Variants in BTBD1 observed in about 807,000 individuals in gnomAD.
The protein encoded by BTBD1 is BTB domain containing 1.
Under a neutral mutation model 48.0 loss-of-function variants are expected in BTBD1, and 34 were observed. The observed-to-expected ratio is 0.71, with a 90% CI of 0.54 to 0.94. The LOEUF is 0.94. Among genes scored for constraint, BTBD1 ranks in the 40% least tolerant of loss-of-function variants. BTBD1 has a pLI of 0.00. For missense variants in BTBD1, 543 were observed against 625.6 expected (o/e 0.87, Z 1.41); for synonymous variants, 261 against 242.1 (o/e 1.08, Z -0.72).
At chr15:83,065,155 A>G (rs1354649068) in intron 1 of BTBD1, among the ~76,000 whole-genome samples, 1 of 152,172 alleles carries the variant, frequency 6.6e-6, no homozygotes, top group Non-Finnish European at 1.5e-5. Flanking sequence ...ACTACTATAA[A>G]TAAAGCTGTA....
rs71156070 is a variant in BTBD1 at position 83,040,699 on chromosome 15, C to CAA, written c.862+1027_862+1028dup. ...TGAGCAACAGAGGGAGACCCTGTCT[C>CAA]AAAAAAAAAAAAAAAAAAAAAACCA... On this transcript the variant is annotated intron_variant, in intron 4 of 7. Coordinates refer to ENST00000261721, the MANE Select transcript of BTBD1 (RefSeq NM_025238.4). Among the ~76,000 whole-genome samples the CAA allele has an allele frequency of 3.3e-3, 189 of 56,592 alleles. 1 individual carries two copies. Among genetic ancestry groups the CAA allele is most frequent in the East Asian group, 9.6e-3 (17 of 1,772 alleles). 37.1% of individuals were successfully genotyped at this position (56,592 alleles called of 152,430 possible). A position where few individuals can be genotyped will look rare whatever the true frequency, so the allele number is the denominator to read the frequency against.
At chr15:83,049,846 T>C (rs1301982856) in intron 3 of BTBD1, among the ~76,000 whole-genome samples, 10 of 152,244 alleles carry the variant, frequency 6.6e-5, no homozygotes, top group Admixed American at 5.2e-4. Flanking sequence ...ATGCATATGA[T>C]GGGCATTCAA....
In BTBD1 at chr15:83,041,883, C is replaced by G. The variant is rs758435230; in HGVS notation, c.707G>C (p.Arg236Pro). ...AVLERDTLSI[R>P]ESRLFGAVVR... ...AACAGCTCCAAAAAGTCGACTTTCT[C>G]GAATACTGAGTGTGTCTCTCTCTAA... The change falls in exon 4 of 8, where the codon CGA becomes CCA. Residue 236 changes from arginine to proline, a missense_variant. Transcript: ENST00000261721. The G allele has an allele frequency of 1.2e-6, 2 of 1,614,056 alleles. No homozygotes were observed. The highest frequency in any genetic ancestry group is 2.2e-5 in the South Asian group (2 of 91,072).
chr15:83,039,163 A>C (rs2032688578), intron 4 of BTBD1, among the ~76,000 whole-genome samples: 1 of 152,148 alleles, frequency 6.6e-6, no homozygotes, highest in Admixed American at 6.5e-5. Context: ...CAGGATCTAC[A>C]GGGAATTTTA....
At chr15:83,045,113 T>C (rs113666444) in intron 3 of BTBD1, among the ~76,000 whole-genome samples, 81 of 152,356 alleles carry the variant, frequency 5.3e-4, no homozygotes, top group African/African-American at 1.9e-3. Flanking sequence ...AAAATGAGTA[T>C]GCTATAGTTA....
intron 2 of BTBD1, among the ~76,000 whole-genome samples, chr15:83,051,859 AT>A (rs11370259): frequency 2.5e-5 from 3 of 118,836 alleles, no homozygotes; most frequent in East Asian, 9.0e-4. Flanking sequence ...TCATTTATTA[AT>A]TTTTTTTCCA....
chr15:83,020,820 G>A, intron 5 of BTBD1, 58 bp from the exon 6 acceptor site: 1 of 1,132,502 alleles, frequency 8.8e-7, no homozygotes, highest in Non-Finnish European at 1.3e-6. Context: ...ATATTCTGAA[G>A]GGTTATAATT....
At chr15:83,022,793 C>G (rs1440291527) in intron 5 of BTBD1, among the ~76,000 whole-genome samples, 2 of 152,062 alleles carry the variant, frequency 1.3e-5, no homozygotes, top group Non-Finnish European at 2.9e-5. Context: ...GAAACCCTGT[C>G]TTTACTAAAA....
intron 4 of BTBD1, among the ~76,000 whole-genome samples, chr15:83,041,422 C>G (rs1028101915): frequency 6.6e-6 from 1 of 150,836 alleles, no homozygotes. Context: ...GTCGCCCGGG[C>G]TGGAATGCAA....
At chr15:83,030,450 A>G in intron 4 of BTBD1, 122 bp from the exon 5 acceptor site, 1 of 746,528 alleles carries the variant, frequency 1.3e-6, no homozygotes, top group Non-Finnish European at 2.2e-6. Flanking sequence ...AAAAAATCTT[A>G]GCATATATAA....
intron 4 of BTBD1, among the ~76,000 whole-genome samples, chr15:83,039,651 G>A (rs529100540): frequency 2.2e-4 from 33 of 151,752 alleles, no homozygotes; most frequent in Admixed American, 5.9e-4. Flanking sequence ...GCGGGCGGGC[G>A]TATGTAGTCC....
chr15:83,024,219 GCC>G (rs2032360357), intron 5 of BTBD1: 1 of 152,046 alleles, frequency 6.6e-6, no homozygotes, highest in South Asian at 2.1e-4. Flanking sequence ...TATGCTTACT[GCC>G]CACTGGATTT....
chr15:83,026,012 G>A (rs1596424284), intron 5 of BTBD1, among the ~76,000 whole-genome samples: 2 of 151,926 alleles, frequency 1.3e-5, no homozygotes, highest in Non-Finnish European at 1.5e-5. Flanking sequence ...CTTGTGATCC[G>A]CCCGCCTCAG....
chr15:83,052,548 G>A (rs1002144695), intron 2 of BTBD1, among the ~76,000 whole-genome samples: 10 of 151,560 alleles, frequency 6.6e-5, no homozygotes, highest in East Asian at 5.8e-4. Context: ...CTTCTACTAC[G>A]GCATCTAGTC....
Position 83,026,969 on chromosome 15 carries a change from C to CGTGT in BTBD1, c.1055+3163_1055+3166dup, listed in dbSNP as rs71156067. On this transcript the variant is annotated intron_variant, in intron 5 of 7. Coordinates refer to ENST00000261721, the MANE Select transcript of BTBD1 (RefSeq NM_025238.4). ...TAAACCACTGCTCCTAGGGGAAATA[C>CGTGT]GTGTGTGTGTGTGTGTGTGTGTGTA... Among the ~76,000 whole-genome samples, 1,139 of 150,252 alleles carry CGTGT rather than the reference C, an allele frequency of 7.6e-3. 8 individuals are homozygous for CGTGT. The highest frequency in any genetic ancestry group is 0.019 in the South Asian group (89 of 4,728).
intron 1 of BTBD1, among the ~76,000 whole-genome samples, chr15:83,059,501 C>T (rs1193626616): frequency 3.3e-5 from 5 of 152,202 alleles, no homozygotes; most frequent in African/African-American, 9.7e-5. Flanking sequence ...GCTGAGATCA[C>T]GCCATTGTAC....
At chr15:83,041,647 T>C (rs1157237601) in intron 4 of BTBD1, 81 bp downstream of exon 4, 1 of 1,329,358 alleles carries the variant, frequency 7.5e-7, no homozygotes, top group African/African-American at 1.4e-5. Flanking sequence ...GTGCTGGGAT[T>C]ATAGGTGTGA....
chr15:83,052,121 TAATCTTTG>T (rs1001164964), intron 2 of BTBD1, among the ~76,000 whole-genome samples: 1 of 152,132 alleles, frequency 6.6e-6, no homozygotes, highest in Non-Finnish European at 1.5e-5. Flanking sequence ...CACACCCACC[TAATCTTTG>T]AATTTTTAAT....
chr15:83,027,837 C>T (rs2032440105), intron 5 of BTBD1, among the ~76,000 whole-genome samples: 1 of 152,180 alleles, frequency 6.6e-6, no homozygotes. Context: ...CTGTACTGTG[C>T]AGCTGAAACT....
Sources: gnomAD v4.1 joint callset for allele counts (sites outside exome capture counted in the v4.1 genomes callset) on GRCh38, gnomAD v4.1.1 for gene constraint, MANE v1.5 for transcripts, NCBI Gene and HGNC (gene_info 2026-07-23, HGNC 2026-07-21) for gene names.